The following VAV3 variants were observed in gnomAD, a reference collection of about 807,000 sequenced individuals.
VAV3 encodes guanine nucleotide exchange factor VAV3.
In VAV3, 94 loss-of-function variants were observed where a neutral mutation model predicts 131.2. That is an observed-to-expected ratio of 0.72 (90% CI 0.61 to 0.85). The LOEUF is 0.85. Among genes scored for constraint, VAV3 ranks in the 40% least tolerant of loss-of-function variants. The probability of loss-of-function intolerance (pLI) is 0.00; values close to 1 mark genes in which losing one functional copy is unlikely to be tolerated. For missense variants in VAV3, 939 were observed against 1,002.7 expected (o/e 0.94, Z 0.86); for synonymous variants, 349 against 342.0 (o/e 1.02, Z -0.22).
At chr1:107,927,034 G>A (rs901185124) in intron 1 of VAV3, among the ~76,000 whole-genome samples, 2 of 152,154 alleles carry the variant, frequency 1.3e-5, no homozygotes, top group African/African-American at 4.8e-5. Context: ...AGCTCCAAAA[G>A]AGAATCCTTC....
chr1:107,662,942 C>T (rs1407718161), intron 19 of VAV3, among the ~76,000 whole-genome samples: 2 of 152,198 alleles, frequency 1.3e-5, no homozygotes, highest in African/African-American at 4.8e-5. Context: ...ACATCGACTT[C>T]TCGGGCTGCT....
chr1:107,765,222 T>C, intron 8 of VAV3, 47 bp from the exon 9 acceptor site: 1 of 1,424,600 alleles, frequency 7.0e-7, no homozygotes, highest in Non-Finnish European at 9.9e-7. Flanking sequence ...AAACCAAGAA[T>C]GAACTGGAGG....
At chr1:107,679,149 T>A (rs1430772241) in intron 19 of VAV3, among the ~76,000 whole-genome samples, 1 of 152,172 alleles carries the variant, frequency 6.6e-6, no homozygotes, top group Admixed American at 6.5e-5. Flanking sequence ...AATGGCGTTA[T>A]ATGTCAATCC....
chr1:107,699,687 T>C (rs994450197), intron 17 of VAV3, among the ~76,000 whole-genome samples: 1 of 152,026 alleles, frequency 6.6e-6, no homozygotes, highest in East Asian at 1.9e-4. Context: ...CATTTCCATA[T>C]ATCCTCTGAA....
At chr1:107,709,736 GC>G (rs1273362008) in intron 15 of VAV3, among the ~76,000 whole-genome samples, 1 of 152,164 alleles carries the variant, frequency 6.6e-6, no homozygotes, top group African/African-American at 2.4e-5. Flanking sequence ...ATAAGGGGCT[GC>G]CCCCTTCACT....
At chr1:107,645,580 AAAAAGGCACCATTAC>A (rs1557729856) in intron 19 of VAV3, among the ~76,000 whole-genome samples, 1 of 152,092 alleles carries the variant, frequency 6.6e-6, no homozygotes, top group African/African-American at 2.4e-5. Context: ...TCCACTTATG[AAAAAGGCACCATTAC>A]ATTGCTAAGA....
intron 19 of VAV3, among the ~76,000 whole-genome samples, chr1:107,660,564 C>G (rs1243948384): frequency 6.6e-6 from 1 of 152,198 alleles, no homozygotes; most frequent in African/African-American, 2.4e-5. Context: ...ACCCATTTTC[C>G]CTTTTATGGA....
At chr1:107,711,532 G>A (rs1256327807) in intron 15 of VAV3, among the ~76,000 whole-genome samples, 4 of 152,136 alleles carry the variant, frequency 2.6e-5, no homozygotes, top group African/African-American at 9.7e-5. Context: ...TGACAGCCAA[G>A]GACAAGCCAA....
intron 15 of VAV3, among the ~76,000 whole-genome samples, chr1:107,705,794 C>G (rs1215839631): frequency 6.6e-6 from 1 of 152,150 alleles, no homozygotes; most frequent in Non-Finnish European, 1.5e-5. Context: ...AATAATATCA[C>G]TAGTTTACAA....
At chr1:107,697,539 T>C (rs12040706) in intron 17 of VAV3, among the ~76,000 whole-genome samples, 36,728 of 152,194 alleles carry the variant, frequency 0.24, 4,636 homozygotes, top group Middle Eastern at 0.34. Context: ...TCCTGCTTTG[T>C]AATGAATTAC....
Position 107,895,753 on chromosome 1 carries a change from C to T in VAV3, c.205-20736G>A, listed in dbSNP as rs1031434431. On this transcript the variant is annotated intron_variant, in intron 1 of 26. Coordinates refer to ENST00000370056, the MANE Select transcript of VAV3 (RefSeq NM_006113.5). ...GCATTTTTATTAAATAGTAATCCCA[C>T]CCCAATCATGTGTCCTTGCTCAAAA... 2.6e-5 allele frequency among the ~76,000 whole-genome samples: 4 copies of T among 152,172 alleles called. No homozygotes were observed. In the South Asian group the frequency reaches 8.3e-4, roughly 32 times the overall value.
chr1:107,912,241 G>T (rs763783077), intron 1 of VAV3, among the ~76,000 whole-genome samples: 1 of 152,124 alleles, frequency 6.6e-6, no homozygotes, highest in Non-Finnish European at 1.5e-5. Flanking sequence ...TTTCAAAAGA[G>T]AATCTATCAG....
intron 2 of VAV3, among the ~76,000 whole-genome samples, chr1:107,865,331 C>A (rs1669932595): frequency 6.6e-6 from 1 of 152,074 alleles, no homozygotes; most frequent in Non-Finnish European, 1.5e-5. Flanking sequence ...CTCAATATAT[C>A]CAAGAACCAA....
At chr1:107,933,903 A>G (rs1418842728) in intron 1 of VAV3, among the ~76,000 whole-genome samples, 1 of 152,080 alleles carries the variant, frequency 6.6e-6, no homozygotes, top group Non-Finnish European at 1.5e-5. Flanking sequence ...ATGTTTCCAC[A>G]GTCATAAGAG....
intron 15 of VAV3, among the ~76,000 whole-genome samples, chr1:107,733,321 G>A (rs1394055554): frequency 6.6e-6 from 1 of 152,200 alleles, no homozygotes; most frequent in Non-Finnish European, 1.5e-5. Context: ...AAAAACCAGA[G>A]GGCCTCTTCT....
chr1:107,896,867 T>C (rs1557909244), intron 1 of VAV3, among the ~76,000 whole-genome samples: 1 of 152,158 alleles, frequency 6.6e-6, no homozygotes, highest in South Asian at 2.1e-4. Flanking sequence ...ATGGATCACA[T>C]GTGGGACTAA....
At chr1:107,747,945 GA>G (rs1424602323) in intron 15 of VAV3, among the ~76,000 whole-genome samples, 3 of 151,510 alleles carry the variant, frequency 2.0e-5, no homozygotes, top group Non-Finnish European at 4.4e-5. Flanking sequence ...TTAAAACAAG[GA>G]AAAAAAATTG....
At chr1:107,870,843 T>C (rs1670219572) in intron 2 of VAV3, among the ~76,000 whole-genome samples, 1 of 152,120 alleles carries the variant, frequency 6.6e-6, no homozygotes, top group Non-Finnish European at 1.5e-5. Context: ...AGAAAACATA[T>C]CACTTTACAC....
chr1:107,882,444 C>T (rs149565281), intron 1 of VAV3, among the ~76,000 whole-genome samples: 71 of 152,206 alleles, frequency 4.7e-4, no homozygotes, highest in Middle Eastern at 6.8e-3. Flanking sequence ...ACCATGAAAC[C>T]GATTTACAAA....
Sources: allele counts gnomAD v4.1 joint callset (sites outside exome capture counted in the v4.1 genomes callset), GRCh38; gene constraint gnomAD v4.1.1; transcripts MANE v1.5; gene names NCBI Gene and HGNC (gene_info 2026-07-23, HGNC 2026-07-21).